HEPACAM2: variants seen among roughly 807,000 people sequenced by gnomAD.
The protein encoded by HEPACAM2 is mitotic kinetics regulator.
Under a neutral mutation model 49.6 loss-of-function variants are expected in HEPACAM2, and 49 were observed. The observed-to-expected ratio is 0.99, with a 90% CI of 0.78 to 1.25. The LOEUF is 1.25. Ranked by LOEUF, HEPACAM2 falls within the 50% of genes most tolerant of loss-of-function variation. HEPACAM2 has a pLI of 0.00. For synonymous variants in HEPACAM2, 197 were observed against 202.9 expected (o/e 0.97, Z 0.25); for missense variants, 525 against 557.2 (o/e 0.94, Z 0.58).
At chr7:93,194,828 G>A (rs1191664655) in intron 8 of HEPACAM2, among the ~76,000 whole-genome samples, 1 of 150,808 alleles carries the variant, frequency 6.6e-6, no homozygotes, top group East Asian at 2.0e-4. Flanking sequence ...GGAAAACTTG[G>A]TTCTATACAA....
chr7:93,212,946 G>C (rs1204611454), intron 3 of HEPACAM2, among the ~76,000 whole-genome samples: 4 of 152,048 alleles, frequency 2.6e-5, no homozygotes, highest in African/African-American at 9.7e-5. Flanking sequence ...CTTTGGCAGA[G>C]AGCTCCCAAT....
chr7:93,198,975 T>A (rs1435811674), intron 4 of HEPACAM2, among the ~76,000 whole-genome samples: 1 of 152,054 alleles, frequency 6.6e-6, no homozygotes, highest in African/African-American at 2.4e-5. Flanking sequence ...GTAGTGTAGA[T>A]CATATGTGCA....
Position 93,200,443 on chromosome 7 carries a change from A to T in HEPACAM2, c.1013-2833T>A, listed in dbSNP as rs547439073. Among the ~76,000 whole-genome samples, 13 of 152,254 alleles carry T rather than the reference A, an allele frequency of 8.5e-5. No homozygotes were observed. In the South Asian group the frequency reaches 2.7e-3, roughly 32 times the overall value. Reference sequence around the variant, plus strand: ...AACAAGAGCTAAGTCTCTACAACATATTTCTGGTCAGAAAAATATCAGAGT... The same window carrying T: ...AACAAGAGCTAAGTCTCTACAACATTTTTCTGGTCAGAAAAATATCAGAGT... On this transcript the variant is annotated intron_variant, in intron 4 of 9. Coordinates refer to ENST00000394468, the MANE Select transcript of HEPACAM2 (RefSeq NM_001039372.4).
chr7:93,192,101 T>G (rs1324560580), intron 9 of HEPACAM2, among the ~76,000 whole-genome samples, 153 bp downstream of exon 9: 1 of 152,116 alleles, frequency 6.6e-6, no homozygotes, highest in Non-Finnish European at 1.5e-5. Context: ...TTTCTCAAAA[T>G]TATGCTCAGG....
chr7:93,216,924 G>A (rs1051361874), intron 2 of HEPACAM2, among the ~76,000 whole-genome samples: 11 of 152,052 alleles, frequency 7.2e-5, no homozygotes, highest in African/African-American at 2.4e-4. Context: ...GTGCATTAGG[G>A]CACAAACTGA....
chr7:93,223,901 C>T (rs938652926), intron 1 of HEPACAM2, among the ~76,000 whole-genome samples: 3 of 152,098 alleles, frequency 2.0e-5, no homozygotes, highest in African/African-American at 7.2e-5. Context: ...TAATTGAATG[C>T]TTCCTCCACA....
At chr7:93,222,575 CT>C (rs1794470854) in intron 1 of HEPACAM2, among the ~76,000 whole-genome samples, 1 of 152,122 alleles carries the variant, frequency 6.6e-6, no homozygotes, top group African/African-American at 2.4e-5. Flanking sequence ...GTGCTTGTTA[CT>C]TTAATAAAGT....
At chr7:93,232,104 A>C in the HEPACAM2 span, among the ~76,000 whole-genome samples, 1 of 152,146 alleles carries the variant, frequency 6.6e-6, no homozygotes, top group Non-Finnish European at 1.5e-5. Context: ...CTCAACGCCT[A>C]GTCACCTGTG....
chr7:93,189,336 AC>A, intron 9 of HEPACAM2, 66 bp from the exon 10 acceptor site: 8 of 1,187,414 alleles, frequency 6.7e-6, no homozygotes, highest in African/African-American at 3.1e-5. Context: ...AGGTAAAAGA[AC>A]TTTAAATTCT....
intron 3 of HEPACAM2, among the ~76,000 whole-genome samples, chr7:93,213,543 C>T (rs1474955516): frequency 6.6e-6 from 1 of 152,026 alleles, no homozygotes; most frequent in East Asian, 1.9e-4. Flanking sequence ...CTTTTTACAG[C>T]ATCGTCAAGT....
At position 93,215,469 on chromosome 7, in the gene HEPACAM2, T is replaced by A; in HGVS notation, c.647A>T (p.Asn216Ile). 4 of 1,613,910 alleles carry A rather than the reference T, an allele frequency of 2.5e-6. No homozygotes were observed. Among genetic ancestry groups the A allele is most frequent in the Non-Finnish European group, 2.5e-6 (3 of 1,179,850 alleles). The change falls in exon 3 of 10, where the codon AAT becomes ATT. Residue 216 changes from asparagine (N) to isoleucine (I), a missense_variant. By Grantham distance (149) the Asn-to-Ile change is moderately radical. Transcript: ENST00000394468. ...IAPVTKEDIG[N>I]YSCLVRNPVS... ...AGGGTTCCTCACCAGGCAGCTGTAA[T>A]TCCCAATGTCTTCCTTGGTTACTGG...
chr7:93,223,647 G>A (rs986143138), intron 1 of HEPACAM2, among the ~76,000 whole-genome samples: 5 of 152,000 alleles, frequency 3.3e-5, no homozygotes, highest in African/African-American at 1.2e-4. Flanking sequence ...AAATATGTAT[G>A]CTTTTTCAAA....
At chr7:93,221,890 TCC>T (rs1794458430) in intron 1 of HEPACAM2, among the ~76,000 whole-genome samples, 1 of 152,198 alleles carries the variant, frequency 6.6e-6, no homozygotes. Context: ...AGATGAGAAT[TCC>T]CTTCTGTATT....
chr7:93,222,935 T>A (rs1794477791), intron 1 of HEPACAM2, among the ~76,000 whole-genome samples: 1 of 152,196 alleles, frequency 6.6e-6, no homozygotes, highest in African/African-American at 2.4e-5. Context: ...TTGGATATCC[T>A]TTAATAAAAC....
In HEPACAM2 at chr7:93,188,579, G is replaced by C. The variant is rs1373455933; in HGVS notation, c.*688C>G. ...TTTACTCTACAAGACAAAGAATTAA[G>C]ACCACATAAAAGCAAAAACAGAATA... is the stretch of plus-strand genomic sequence containing the variant. On this transcript the variant is annotated 3_prime_UTR_variant, in exon 10 of 10. Transcript: ENST00000394468. The C allele has an allele frequency of 6.6e-6, 1 of 152,146 alleles. No individual in the cohort carries two copies. The highest frequency in any genetic ancestry group is 1.5e-5 in the Non-Finnish European group (1 of 68,364). 9.4% of individuals were successfully genotyped at this position (152,146 alleles called of 1,614,324 possible).
intron 4 of HEPACAM2, among the ~76,000 whole-genome samples, chr7:93,198,941 A>G (rs999610568): frequency 6.6e-6 from 1 of 152,114 alleles, no homozygotes; most frequent in African/African-American, 2.4e-5. Context: ...CCATTTCTTA[A>G]TCTTACAGGA....
chr7:93,220,145 C>T (rs1020630457), intron 1 of HEPACAM2, among the ~76,000 whole-genome samples: 7 of 152,020 alleles, frequency 4.6e-5, no homozygotes, highest in African/African-American at 9.7e-5. Flanking sequence ...CTTAGGATCA[C>T]GGGAAAAACT....
chr7:93,219,459 A>C lies in HEPACAM2; in HGVS notation c.80-8T>G, dbSNP rs780364371. ...TCAGCCCCGAGCAAGCACCTGTTGC[A>C]AAGGAAAGGAAAGTTGTGAAGACCT... On this transcript the variant is annotated splice_region_variant and splice_polypyrimidine_tract_variant and intron_variant, in intron 1 of 9. Transcript: ENST00000394468. 9 of 1,613,638 alleles carry C rather than the reference A, an allele frequency of 5.6e-6. No homozygotes were observed. The East Asian group carries it at 2.0e-4, about 36-fold the overall frequency.
chr7:93,211,112 C>CTAAGCTA (rs1435069519), intron 3 of HEPACAM2, among the ~76,000 whole-genome samples: 1 of 151,988 alleles, frequency 6.6e-6, no homozygotes, highest in African/African-American at 2.4e-5. Flanking sequence ...GACAAATTTT[C>CTAAGCTA]TAAGCTATAA....
Sources: allele counts gnomAD v4.1 joint callset (sites outside exome capture counted in the v4.1 genomes callset), GRCh38; gene constraint gnomAD v4.1.1; transcripts MANE v1.5; gene names NCBI Gene and HGNC (gene_info 2026-07-23, HGNC 2026-07-21).